KCNH7: variants seen among roughly 807,000 people sequenced by gnomAD.
KCNH7 encodes the protein voltage-gated inwardly rectifying potassium channel KCNH7.
In KCNH7, 49 loss-of-function variants were observed where a neutral mutation model predicts 120.8. That is an observed-to-expected ratio of 0.41 (90% CI 0.32 to 0.51). The LOEUF (loss-of-function observed/expected upper bound fraction) is 0.51. KCNH7 is among the 20% of genes least tolerant of loss of function. The probability of loss-of-function intolerance (pLI) is 0.38; values close to 1 mark genes in which losing one functional copy is unlikely to be tolerated. For synonymous variants in KCNH7, 547 were observed against 516.1 expected, an observed-to-expected ratio of 1.06 and a Z score of -0.81; for missense variants, 1,097 against 1,446.6, an observed-to-expected ratio of 0.76 and a Z score of 3.92.
intron 2 of KCNH7, among the ~76,000 whole-genome samples, chr2:162,830,058 G>A (rs10183471): frequency 0.026 from 3,969 of 152,172 alleles, 159 homozygotes; most frequent in African/African-American, 0.089. Context: ...ACTCTTCAGA[G>A]GCTACCCTGG....
chr2:162,770,426 G>A (rs559205897), intron 2 of KCNH7, among the ~76,000 whole-genome samples: 17 of 151,306 alleles, frequency 1.1e-4, no homozygotes, highest in Non-Finnish European at 1.8e-4. Context: ...AACTATTAAA[G>A]ATGAGATTTA....
intron 2 of KCNH7, among the ~76,000 whole-genome samples, chr2:162,615,645 T>G (rs963630873): frequency 7.9e-5 from 12 of 152,194 alleles, no homozygotes; most frequent in African/African-American, 2.9e-4. Flanking sequence ...TTATAATTAC[T>G]TATCATTTAT....
intron 3 of KCNH7, among the ~76,000 whole-genome samples, chr2:162,522,626 T>C (rs1691570922): frequency 6.6e-6 from 1 of 151,898 alleles, no homozygotes; most frequent in Non-Finnish European, 1.5e-5. Context: ...TTTATTATAT[T>C]TGATTTCTAA....
chr2:162,569,713 G>C (rs1484015838), intron 2 of KCNH7, among the ~76,000 whole-genome samples: 1 of 152,020 alleles, frequency 6.6e-6, no homozygotes, highest in African/African-American at 2.4e-5. Context: ...GCATCCCATA[G>C]ATTCTGGTAT....
At chr2:162,785,963 C>T (rs1683684590) in intron 2 of KCNH7, among the ~76,000 whole-genome samples, 1 of 152,122 alleles carries the variant, frequency 6.6e-6, no homozygotes, top group South Asian at 2.1e-4. Context: ...GTAGTATGGG[C>T]TGGGCGCGGT....
At chr2:162,746,657 CA>C (rs2105421303) in intron 2 of KCNH7, among the ~76,000 whole-genome samples, 1 of 152,130 alleles carries the variant, frequency 6.6e-6, no homozygotes, top group East Asian at 1.9e-4. Context: ...AAACCTAAAT[CA>C]GATATGGAAA....
chr2:162,465,916 T>C (rs1172423413), intron 6 of KCNH7, among the ~76,000 whole-genome samples: 1 of 152,172 alleles, frequency 6.6e-6, no homozygotes, highest in Non-Finnish European at 1.5e-5. Flanking sequence ...TATTCCATTT[T>C]ATAGCATGTT....
chr2:162,535,275 T>A (rs1170763850), intron 3 of KCNH7, among the ~76,000 whole-genome samples: 1 of 151,706 alleles, frequency 6.6e-6, no homozygotes, highest in Non-Finnish European at 1.5e-5. Flanking sequence ...TGTACAAGAT[T>A]GGAAAGGAAA....
At chr2:162,468,855 T>C (rs1209875493) in intron 6 of KCNH7, among the ~76,000 whole-genome samples, 4 of 119,012 alleles carry the variant, frequency 3.4e-5, no homozygotes, top group East Asian at 4.1e-4. Context: ...CCTCTTTCCC[T>C]TTTTTTTTTT....
chr2:162,676,305 G>A (rs1312465481), intron 2 of KCNH7, among the ~76,000 whole-genome samples: 1 of 151,526 alleles, frequency 6.6e-6, no homozygotes, highest in African/African-American at 2.4e-5. Flanking sequence ...TGAAAGTTAT[G>A]AAGTAATCTC....
At chr2:162,425,503 A>G (rs2105495959) in intron 8 of KCNH7, among the ~76,000 whole-genome samples, 1 of 152,280 alleles carries the variant, frequency 6.6e-6, no homozygotes, top group Admixed American at 6.5e-5. Flanking sequence ...AATTAACAAT[A>G]TTTGCCAGAA....
intron 2 of KCNH7, among the ~76,000 whole-genome samples, chr2:162,779,126 GT>G (rs1683373829): frequency 6.6e-6 from 1 of 151,684 alleles, no homozygotes; most frequent in African/African-American, 2.4e-5. Context: ...TTTTCCAAAA[GT>G]TGTAGGAGAG....
intron 6 of KCNH7, among the ~76,000 whole-genome samples, chr2:162,451,420 C>G (rs1234328595): frequency 6.6e-6 from 1 of 152,000 alleles, no homozygotes; most frequent in Non-Finnish European, 1.5e-5. Flanking sequence ...TTTTAGTTAT[C>G]TATTCCTTGT....
chr2:162,380,974 C>T (rs147574714), intron 13 of KCNH7, among the ~76,000 whole-genome samples: 21 of 152,162 alleles, frequency 1.4e-4, no homozygotes, highest in Non-Finnish European at 2.5e-4. Flanking sequence ...GTCCTTTCCC[C>T]CTCATTTTTG....
intron 6 of KCNH7, among the ~76,000 whole-genome samples, chr2:162,500,191 A>G (rs1272047917): frequency 6.8e-6 from 1 of 148,010 alleles, no homozygotes; most frequent in African/African-American, 2.5e-5. Context: ...TACATATATT[A>G]TATACATTAC....
rs71009368 is a variant in KCNH7, at chr2:162,724,671, C to CA, written c.307+111865dup. 5.9e-3 allele frequency among the ~76,000 whole-genome samples: 729 copies of CA among 123,834 alleles called. 18 individuals carry two copies. Among genetic ancestry groups the CA allele is most frequent in the African/African-American group, 0.013 (410 of 31,476 alleles). The allele number at this position is 123,834 out of a possible 152,430, so 81.2% of individuals were successfully genotyped here. On this transcript the variant is annotated intron_variant, in intron 2 of 15. Coordinates refer to ENST00000332142, the MANE Select transcript of KCNH7 (RefSeq NM_033272.4). ...TGGGCGACAGAGCGAGACTCCGTCT[C>CA]AAAAAAAAAAAAAGAATATACTGTA...
intron 2 of KCNH7, among the ~76,000 whole-genome samples, chr2:162,747,817 T>C (rs911587116): frequency 1.3e-5 from 2 of 152,202 alleles, no homozygotes; most frequent in Non-Finnish European, 2.9e-5. Context: ...AAAAATGTTT[T>C]ATATCATGAC....
At chr2:162,386,688 A>G (rs907452655) in intron 12 of KCNH7, among the ~76,000 whole-genome samples, 4 of 151,856 alleles carry the variant, frequency 2.6e-5, no homozygotes, top group East Asian at 1.9e-4. Context: ...TGTGCCTCCA[A>G]TCAAGGTCTG....
intron 8 of KCNH7, among the ~76,000 whole-genome samples, chr2:162,427,178 T>C (rs934575866): frequency 6.6e-6 from 1 of 152,074 alleles, no homozygotes; most frequent in Non-Finnish European, 1.5e-5. Flanking sequence ...AAAACTGCCA[T>C]GAACACTTGT....
Sources: allele counts gnomAD v4.1 joint callset (sites outside exome capture counted in the v4.1 genomes callset), GRCh38; gene constraint gnomAD v4.1.1; transcripts MANE v1.5; gene names NCBI Gene and HGNC (gene_info 2026-07-23, HGNC 2026-07-21).